MBD5: variants seen among roughly 807,000 people sequenced by gnomAD.
MBD5 encodes the protein methyl-CpG-binding domain protein 5.
MBD5 carries 13 observed loss-of-function variants against 117.3 expected under a neutral mutation model. The ratio of observed to expected loss-of-function variants is 0.11; its 90% CI spans 0.07 to 0.18. MBD5 has a LOEUF of 0.18. Ranked by LOEUF, MBD5 falls within the 10% of genes least tolerant of loss-of-function variation. MBD5 has a pLI of 1.00. For missense variants in MBD5, 1,879 were observed against 2,093.8 expected (o/e 0.90, Z 2.00); for synonymous variants, 727 against 766.4 (o/e 0.95, Z 0.85).
intron 3 of MBD5, among the ~76,000 whole-genome samples, chr2:148,321,039 A>G (rs1358999515): frequency 1.3e-5 from 2 of 152,198 alleles, no homozygotes; most frequent in African/African-American, 2.4e-5. Flanking sequence ...TTTCAAACCT[A>G]TATGCCAAAG....
At chr2:148,188,925 C>G (rs1346670513) in intron 2 of MBD5, among the ~76,000 whole-genome samples, 1 of 151,670 alleles carries the variant, frequency 6.6e-6, no homozygotes. Context: ...CGAAGCAGGG[C>G]GAGACATTGC....
chr2:148,331,939 A>G (rs1702668924), intron 3 of MBD5, among the ~76,000 whole-genome samples: 1 of 152,190 alleles, frequency 6.6e-6, no homozygotes, highest in Non-Finnish European at 1.5e-5. Context: ...TAATTATCAA[A>G]CAATGAGTTT....
chr2:148,066,671 T>A (rs911601999), intron 1 of MBD5, among the ~76,000 whole-genome samples: 13 of 151,946 alleles, frequency 8.6e-5, no homozygotes, highest in African/African-American at 2.9e-4. Flanking sequence ...AGAGATGGAT[T>A]TTCACTGTGT....
rs1368994136 is a variant in MBD5, at chr2:148,378,305, C to T, written c.-557+35969C>T. Among the ~76,000 whole-genome samples, 5 of 152,188 alleles carry T rather than the reference C, an allele frequency of 3.3e-5. No individual in the cohort carries two copies. The East Asian group carries it at 9.7e-4, about 29-fold the overall frequency. On this transcript the variant is annotated intron_variant, in intron 4 of 13. Coordinates refer to ENST00000642680, the MANE Select transcript of MBD5 (RefSeq NM_001378120.1). ...GTTTCCTGATAAATTTCAAAGTTGG[C>T]CTGAGTCATATTGCTGCTTTTTCAC... is the stretch of plus-strand genomic sequence containing the variant.
At chr2:148,030,281 A>G (rs1694002752) in intron 1 of MBD5, among the ~76,000 whole-genome samples, 1 of 151,326 alleles carries the variant, frequency 6.6e-6, no homozygotes, top group South Asian at 2.1e-4. Flanking sequence ...TCTCATAAGA[A>G]AAAAAAAAGT....
intron 4 of MBD5, among the ~76,000 whole-genome samples, chr2:148,374,902 C>T (rs941667128): frequency 2.8e-4 from 43 of 152,156 alleles, no homozygotes; most frequent in Admixed American, 4.6e-4. Flanking sequence ...ATGCTTTTTT[C>T]TTAATATTAG....
In MBD5 at chr2:148,325,812, C is replaced by G. The variant is rs184668736; in HGVS notation, c.-679-16402C>G. 4.9e-3 allele frequency among the ~76,000 whole-genome samples: 739 copies of G among 151,832 alleles called. 8 individuals are homozygous for G. Among genetic ancestry groups the G allele is most frequent in the African/African-American group, 0.017 (690 of 41,404 alleles). On this transcript the variant is annotated intron_variant, in intron 3 of 13. Transcript: ENST00000642680. ...CTCCTGGATTCGTTAATTTTTTGAA[C>G]GGTTTTTTGTGTCCCTATTTCCTTC...
intron 8 of MBD5, among the ~76,000 whole-genome samples, chr2:148,472,944 G>A (rs914062230): frequency 3.9e-5 from 6 of 152,038 alleles, no homozygotes; most frequent in African/African-American, 7.2e-5. Context: ...TAACTGTTCC[G>A]TATCATACAT....
At chr2:148,428,433 T>C (rs1249559980) in intron 4 of MBD5, among the ~76,000 whole-genome samples, 3 of 152,256 alleles carry the variant, frequency 2.0e-5, no homozygotes, top group East Asian at 1.9e-4. Context: ...AAGTAATTTA[T>C]AGATTCAATG....
intron 3 of MBD5, among the ~76,000 whole-genome samples, chr2:148,279,842 G>A (rs1701199613): frequency 6.6e-6 from 1 of 151,888 alleles, no homozygotes; most frequent in Non-Finnish European, 1.5e-5. Context: ...CTATTCACAG[G>A]TGCAGTCATA....
intron 4 of MBD5, among the ~76,000 whole-genome samples, chr2:148,378,311 T>A (rs1230727624): frequency 6.6e-6 from 1 of 152,110 alleles, no homozygotes; most frequent in African/African-American, 2.4e-5. Flanking sequence ...TTGGCCTGAG[T>A]CATATTGCTG....
chr2:148,328,091 T>A, intron 3 of MBD5, among the ~76,000 whole-genome samples: 1 of 152,094 alleles, frequency 6.6e-6, no homozygotes, highest in Non-Finnish European at 1.5e-5. Flanking sequence ...TCTGTTGGAG[T>A]ACCCGGCCGT....
At chr2:148,441,071 T>G (rs1434122018) in intron 4 of MBD5, among the ~76,000 whole-genome samples, 1 of 152,176 alleles carries the variant, frequency 6.6e-6, no homozygotes, top group Non-Finnish European at 1.5e-5. Flanking sequence ...ATTTCCTGCT[T>G]CATCCCTAGC....
intron 1 of MBD5, among the ~76,000 whole-genome samples, chr2:148,115,663 A>T (rs566131608): frequency 1.2e-4 from 18 of 152,172 alleles, no homozygotes; most frequent in African/African-American, 4.3e-4. Context: ...TGAGCTATAC[A>T]TATTTTTCCT....
At chr2:148,240,760 C>G (rs1700200644) in intron 3 of MBD5, among the ~76,000 whole-genome samples, 1 of 152,168 alleles carries the variant, frequency 6.6e-6, no homozygotes, top group Admixed American at 6.6e-5. Flanking sequence ...TTCAGGTTCA[C>G]TGGCTGGTTT....
intron 1 of MBD5, among the ~76,000 whole-genome samples, chr2:148,131,814 G>GA (rs1697055858): frequency 2.0e-5 from 3 of 151,994 alleles, no homozygotes; most frequent in Admixed American, 2.0e-4. Context: ...TATTTATCTG[G>GA]AAAAATCTTA....
chr2:148,512,260 G>A (rs1682242558), intron 13 of MBD5: 1 of 162,900 alleles, frequency 6.1e-6, no homozygotes, highest in African/African-American at 2.4e-5. Flanking sequence ...ATAAAGAAAG[G>A]TGAGTTGTAT....
chr2:148,067,939 A>G (rs1382848987), intron 1 of MBD5, among the ~76,000 whole-genome samples: 2 of 152,212 alleles, frequency 1.3e-5, no homozygotes, highest in Non-Finnish European at 2.9e-5. Context: ...AATAGACAAC[A>G]TTGCTTATGG....
chr2:148,380,327 A>G (rs1704100895), intron 4 of MBD5, among the ~76,000 whole-genome samples: 1 of 152,176 alleles, frequency 6.6e-6, no homozygotes, highest in African/African-American at 2.4e-5. Context: ...CAATTAGAGA[A>G]TATACATTCT....
Sources: allele counts gnomAD v4.1 joint callset (sites outside exome capture counted in the v4.1 genomes callset), GRCh38; gene constraint gnomAD v4.1.1; transcripts MANE v1.5; gene names NCBI Gene and HGNC (gene_info 2026-07-23, HGNC 2026-07-21).